PRKN: variants seen among roughly 807,000 people sequenced by gnomAD.
The protein encoded by PRKN is E3 ubiquitin-protein ligase parkin.
PRKN carries 56 observed loss-of-function variants against 59.5 expected under a neutral mutation model. That is an observed-to-expected ratio of 0.94 (90% CI 0.76 to 1.18). The LOEUF is 1.18. Among genes scored for constraint, PRKN ranks in the 50% most tolerant of loss-of-function variants. The pLI, the probability that PRKN is intolerant of heterozygous loss-of-function variation, is 0.00. For synonymous variants in PRKN, 250 were observed against 222.1 expected (o/e 1.13, Z -1.12); for missense variants, 657 against 596.4 (o/e 1.10, Z -1.06).
chr6:162,210,109 A>AAAT (rs1432228963), intron 3 of PRKN, among the ~76,000 whole-genome samples: 2 of 150,808 alleles, frequency 1.3e-5, no homozygotes, highest in African/African-American at 2.4e-5. Context: ...TAATAATAAA[A>AAAT]AATAAAATAA....
chr6:161,824,224 G>A (rs1218904490), intron 6 of PRKN, among the ~76,000 whole-genome samples: 1 of 152,192 alleles, frequency 6.6e-6, no homozygotes, highest in East Asian at 1.9e-4. Flanking sequence ...GGAGAAAAAG[G>A]AAGCAGGTTT....
At chr6:161,727,851 C>T (rs1421705628) in intron 7 of PRKN, among the ~76,000 whole-genome samples, 2 of 152,044 alleles carry the variant, frequency 1.3e-5, no homozygotes, top group Non-Finnish European at 1.5e-5. Context: ...TATTTATTGC[C>T]GTGTATTCCT....
rs947248100 is a variant in PRKN at position 161,410,129 on chromosome 6, C to T, written c.1084-23252G>A. The stretch of plus-strand genomic sequence containing the variant: ...TGGCACTTTTTTTGAGTGTCTGCTG[C>T]CCTTGAAGAAGGGGATGGGGAAGGA... On this transcript the variant is annotated intron_variant, in intron 9 of 11. Transcript: ENST00000366898. The surrounding 1 kb of genome is among the most constrained non-coding windows in gnomAD (Gnocchi z 5.3). Among the ~76,000 whole-genome samples the T allele has an allele frequency of 1.1e-4, 17 of 152,196 alleles. 1 individual carries two copies. In the South Asian group the frequency reaches 3.5e-3, roughly 32 times the overall value.
At chr6:161,683,296 C>A (rs1785438335) in intron 7 of PRKN, among the ~76,000 whole-genome samples, 1 of 152,250 alleles carries the variant, frequency 6.6e-6, no homozygotes, top group Non-Finnish European at 1.5e-5. Flanking sequence ...TTCCAGTTTC[C>A]CAGACGCGTC....
chr6:161,522,166 C>T (rs1156252181), intron 9 of PRKN, among the ~76,000 whole-genome samples: 2 of 152,068 alleles, frequency 1.3e-5, no homozygotes, highest in African/African-American at 2.4e-5. Flanking sequence ...TGTGCTACCT[C>T]CCCAGCACGT....
chr6:161,596,273 G>A (rs780434174), intron 7 of PRKN, among the ~76,000 whole-genome samples: 215 of 152,154 alleles, frequency 1.4e-3, no homozygotes, highest in Non-Finnish European at 9.3e-4. Flanking sequence ...CAGAACAAGA[G>A]GAGAGAAACA....
Position 161,867,300 on chromosome 6 carries a change from C to T in PRKN, c.735-81392G>A, listed in dbSNP as rs146267760. 8.7e-4 allele frequency among the ~76,000 whole-genome samples: 132 copies of T among 152,302 alleles called. 1 individual carries two copies. Among genetic ancestry groups the T allele is most frequent in the Admixed American group, 7.8e-3 (119 of 15,298 alleles). ...GTCCATATATTCCCTTCTGCAACTA[C>T]TCAACTTCATGCTGTTGTGACAACA... On this transcript the variant is annotated intron_variant, in intron 6 of 11. Coordinates refer to ENST00000366898, the MANE Select transcript of PRKN (RefSeq NM_004562.3).
chr6:162,408,491 A>G (rs1187954830), intron 2 of PRKN, among the ~76,000 whole-genome samples: 1 of 152,206 alleles, frequency 6.6e-6, no homozygotes, highest in Non-Finnish European at 1.5e-5. Flanking sequence ...TTTAGGGTAC[A>G]TCTCTAAAGC....
Position 162,648,313 on chromosome 6 carries a change from T to C in PRKN, c.7+79349A>G, listed in dbSNP as rs753012897. Among the ~76,000 whole-genome samples, 19 of 152,178 alleles carry C rather than the reference T, an allele frequency of 1.2e-4. 1 individual carries two copies. Among genetic ancestry groups the C allele is most frequent in the Non-Finnish European group, 2.5e-4 (17 of 68,020 alleles). On this transcript the variant is annotated intron_variant, in intron 1 of 11. Coordinates refer to ENST00000366898, the MANE Select transcript of PRKN (RefSeq NM_004562.3). ...CTAAATGGGATTCCAATGGTCACTA[T>C]GTGTTTAAAGCATGGCAGCATTCTT...
chr6:161,829,005 T>C (rs1274168924), intron 6 of PRKN, among the ~76,000 whole-genome samples: 1 of 151,478 alleles, frequency 6.6e-6, no homozygotes, highest in Non-Finnish European at 1.5e-5. Context: ...GGTGGGTGGA[T>C]CCCTTGAGGT....
chr6:161,777,785 GTATA>G, intron 7 of PRKN, among the ~76,000 whole-genome samples: 2 of 120,074 alleles, frequency 1.7e-5, no homozygotes, highest in Middle Eastern at 9.2e-3. Context: ...ATATGTATAT[GTATA>G]TATGATATAT....
chr6:162,364,497 GA>G (rs1785315337), intron 2 of PRKN, among the ~76,000 whole-genome samples: 1 of 152,070 alleles, frequency 6.6e-6, no homozygotes, highest in African/African-American at 2.4e-5. Flanking sequence ...TAAAATAAAA[GA>G]AAGAAAGAAA....
At chr6:162,379,716 G>A (rs1381324080) in intron 2 of PRKN, among the ~76,000 whole-genome samples, 6 of 152,150 alleles carry the variant, frequency 3.9e-5, no homozygotes, top group Admixed American at 6.5e-5. Context: ...TCCTGGGGAC[G>A]TCACATATTA....
rs1342273906 is a variant in PRKN, at chr6:161,401,463, G to A, written c.1084-14586C>T. 6.6e-6 allele frequency among the ~76,000 whole-genome samples: 1 copy of A among 151,908 alleles called. No homozygotes were observed. Among genetic ancestry groups the A allele is most frequent in the African/African-American group, 2.4e-5 (1 of 41,322 alleles). ...GCATCTCTACTAAAAATACAAAAAC[G>A]TTAGCTGGGCGTGGTGGTGGACGCC... On this transcript the variant is annotated intron_variant, in intron 9 of 11. Transcript: ENST00000366898. The surrounding 1 kb of genome is among the most constrained non-coding windows in gnomAD (Gnocchi z 4.4).
At chr6:162,128,940 A>G (rs185652906) in intron 4 of PRKN, among the ~76,000 whole-genome samples, 172 of 152,308 alleles carry the variant, frequency 1.1e-3, no homozygotes, top group Middle Eastern at 6.8e-3. Flanking sequence ...TTTCTAAGCC[A>G]CCCAATTTGT....
intron 1 of PRKN, among the ~76,000 whole-genome samples, chr6:162,607,243 TGAGAGACCATC>T (rs1420186621): frequency 3.9e-5 from 6 of 152,074 alleles, no homozygotes; most frequent in African/African-American, 1.4e-4. Flanking sequence ...ATGACATTGG[TGAGAGACCATC>T]TAGTGAGCTT....
intron 9 of PRKN, among the ~76,000 whole-genome samples, chr6:161,418,010 G>A (rs1397021642): frequency 3.3e-5 from 5 of 152,192 alleles, no homozygotes; most frequent in South Asian, 4.1e-4. Context: ...ACTCCATGGG[G>A]GGCCTGGCAG....
At chr6:162,234,665 T>C (rs1778570106) in intron 3 of PRKN, among the ~76,000 whole-genome samples, 1 of 152,172 alleles carries the variant, frequency 6.6e-6, no homozygotes, top group South Asian at 2.1e-4. Flanking sequence ...TATTTTAAAA[T>C]TTGCATTATG....
At chr6:161,705,031 G>C (rs144674648) in intron 7 of PRKN, among the ~76,000 whole-genome samples, 1 of 152,174 alleles carries the variant, frequency 6.6e-6, no homozygotes, top group Non-Finnish European at 1.5e-5. Flanking sequence ...GGTGATGCCA[G>C]CATGCAACAC....
Sources: allele counts gnomAD v4.1 joint callset (sites outside exome capture counted in the v4.1 genomes callset), GRCh38; gene constraint gnomAD v4.1.1; non-coding constraint Gnocchi (gnomAD v3.1); transcripts MANE v1.5; gene names NCBI Gene and HGNC (gene_info 2026-07-23, HGNC 2026-07-21).